The following PXDNL variants were observed in gnomAD, a reference collection of about 807,000 sequenced individuals.
The protein encoded by PXDNL is probable oxidoreductase PXDNL.
Under a neutral mutation model 150.8 loss-of-function variants are expected in PXDNL, and 145 were observed. The ratio of observed to expected loss-of-function variants is 0.96; its 90% confidence interval spans 0.84 to 1.10. The LOEUF (loss-of-function observed/expected upper bound fraction) is 1.10. Ranked by LOEUF, PXDNL falls within the 50% of genes least tolerant of loss-of-function variation. The pLI is 0.00. For synonymous variants in PXDNL, 757 were observed against 725.7 expected, an observed-to-expected ratio of 1.04 and a Z score of -0.69; for missense variants, 2,087 against 1,873.9, an observed-to-expected ratio of 1.11 and a Z score of -2.10.
chr8:51,709,456 G>A (rs200275835), intron 1 of PXDNL, among the ~76,000 whole-genome samples: 1 of 151,866 alleles, frequency 6.6e-6, no homozygotes, highest in African/African-American at 2.4e-5. Flanking sequence ...GGGTTTCACC[G>A]TGTTCGCCAG....
chr8:51,473,626 G>A (rs1265036962), intron 7 of PXDNL, among the ~76,000 whole-genome samples: 1 of 151,890 alleles, frequency 6.6e-6, no homozygotes, highest in African/African-American at 2.4e-5. Context: ...ATAGCATTAG[G>A]AGATATACCT....
At chr8:51,626,720 G>T (rs1814367707) in intron 2 of PXDNL, among the ~76,000 whole-genome samples, 1 of 152,112 alleles carries the variant, frequency 6.6e-6, no homozygotes, top group South Asian at 2.1e-4. Context: ...GAACCAAAGA[G>T]GCAATTTCTA....
chr8:51,455,368 T>C (rs1809917313), intron 9 of PXDNL, among the ~76,000 whole-genome samples: 1 of 151,930 alleles, frequency 6.6e-6, no homozygotes. Flanking sequence ...TGTGGGCAAA[T>C]GTGTTTGACA....
intron 2 of PXDNL, among the ~76,000 whole-genome samples, chr8:51,607,883 AGG>A (rs1813873226): frequency 8.4e-6 from 1 of 119,628 alleles, no homozygotes; most frequent in Non-Finnish European, 1.7e-5. Context: ...GAAGGAAGGA[AGG>A]AAGGAAGGAA....
At chr8:51,429,757 A>G (rs548805070) in intron 12 of PXDNL, among the ~76,000 whole-genome samples, 2 of 150,892 alleles carry the variant, frequency 1.3e-5, no homozygotes, top group East Asian at 3.9e-4. Context: ...GACTAAGGAA[A>G]TAAGAGCTTT....
At chr8:51,596,101 T>C (rs1324653042) in intron 2 of PXDNL, among the ~76,000 whole-genome samples, 2 of 152,136 alleles carry the variant, frequency 1.3e-5, no homozygotes, top group Non-Finnish European at 2.9e-5. Context: ...CCTCATTATG[T>C]CCGAGTATCC....
intron 1 of PXDNL, among the ~76,000 whole-genome samples, chr8:51,723,963 G>C (rs1816776916): frequency 6.6e-6 from 1 of 152,004 alleles, no homozygotes; most frequent in African/African-American, 2.4e-5. Context: ...GGGTGGAGAA[G>C]AGGAAATAAG....
chr8:51,358,446 G>A (rs977186942), intron 19 of PXDNL, among the ~76,000 whole-genome samples: 8 of 152,120 alleles, frequency 5.3e-5, no homozygotes, highest in African/African-American at 1.2e-4. Flanking sequence ...ACCTTGTGTC[G>A]GTACATTCCT....
intron 1 of PXDNL, among the ~76,000 whole-genome samples, chr8:51,667,805 G>T (rs1378080187): frequency 6.6e-6 from 1 of 152,150 alleles, no homozygotes; most frequent in African/African-American, 2.4e-5. Flanking sequence ...TGCACTAGAG[G>T]CATGCTTAGA....
intron 4 of PXDNL, among the ~76,000 whole-genome samples, chr8:51,526,357 TA>T (rs1296175828): frequency 3.3e-5 from 5 of 152,216 alleles, no homozygotes; most frequent in African/African-American, 1.2e-4. Context: ...CTTTTTTTTT[TA>T]AATTTCATTT....
chr8:51,337,395 T>C (rs726127), intron 21 of PXDNL, among the ~76,000 whole-genome samples: 34,060 of 152,182 alleles, frequency 0.22, 3,937 homozygotes, highest in Middle Eastern at 0.3. Flanking sequence ...CCACCTTCTC[T>C]AGCCCAGCTC....
At chr8:51,560,501 CTTGCATA>C (rs1422660920) in intron 3 of PXDNL, among the ~76,000 whole-genome samples, 28 of 151,992 alleles carry the variant, frequency 1.8e-4, no homozygotes, top group African/African-American at 5.1e-4. Context: ...CAAATAAGCC[CTTGCATA>C]TATGGTCAAA....
intron 20 of PXDNL, 68 bp from the exon 21 acceptor site, chr8:51,339,821 C>G (rs1477972088): frequency 2.0e-6 from 3 of 1,505,070 alleles, no homozygotes; most frequent in Admixed American, 1.9e-5. Context: ...AAAATATCAT[C>G]AAATCTTCTT....
chr8:51,784,017 CA>C (rs2037438841), intron 1 of PXDNL, among the ~76,000 whole-genome samples: 1 of 151,760 alleles, frequency 6.6e-6, no homozygotes, highest in East Asian at 1.9e-4. Context: ...AAAAAAAAAT[CA>C]ATTTGAAAAA....
rs143106582 is a variant in PXDNL at position 51,586,622 on chromosome 8, A to T, written c.308+6005T>A. ...ATTCTTCAATGGCACTTACTTGCCT[A>T]ATATTTCAAAAAAAATCTTTTTATC... On this transcript the variant is annotated intron_variant, in intron 3 of 22. Transcript: ENST00000356297. 3.8e-3 allele frequency among the ~76,000 whole-genome samples: 576 copies of T among 152,302 alleles called. 4 individuals carry two copies. Among genetic ancestry groups the T allele is most frequent in the African/African-American group, 0.013 (521 of 41,562 alleles).
At position 51,663,862 on chromosome 8, in the gene PXDNL, G is replaced by A. The variant is rs182058363; in HGVS notation, c.165-9102C>T. Among the ~76,000 whole-genome samples, 109 of 152,126 alleles carry A rather than the reference G, an allele frequency of 7.2e-4. 1 individual carries two copies. Among genetic ancestry groups the A allele is most frequent in the Non-Finnish European group, 1.1e-3 (74 of 67,994 alleles). ...AGATCAGGAGTTCATGACCAGCCTG[G>A]CCAACACAGTGAAACCCCGTTTCTA... On this transcript the variant is annotated intron_variant, in intron 1 of 22. Transcript: ENST00000356297.
At chr8:51,338,332 A>T (rs1446216401) in intron 21 of PXDNL, among the ~76,000 whole-genome samples, 1 of 152,164 alleles carries the variant, frequency 6.6e-6, no homozygotes, top group Non-Finnish European at 1.5e-5. Flanking sequence ...AAGCATATGC[A>T]CCTGGTAATC....
intron 1 of PXDNL, among the ~76,000 whole-genome samples, chr8:51,699,105 G>A (rs1816199029): frequency 6.6e-6 from 1 of 152,122 alleles, no homozygotes; most frequent in Admixed American, 6.5e-5. Flanking sequence ...AAGAGATGTG[G>A]CTTCAACTTA....
chr8:51,667,199 C>T (rs914171457), intron 1 of PXDNL, among the ~76,000 whole-genome samples: 2 of 152,152 alleles, frequency 1.3e-5, no homozygotes, highest in South Asian at 2.1e-4. Context: ...GAATATGCCC[C>T]GGGTGTGATA....
Sources: allele counts gnomAD v4.1 joint callset (sites outside exome capture counted in the v4.1 genomes callset), GRCh38; gene constraint gnomAD v4.1.1; transcripts MANE v1.5; gene names NCBI Gene and HGNC (gene_info 2026-07-23, HGNC 2026-07-21).